KIF3B: variants seen among roughly 807,000 people sequenced by gnomAD.
The protein encoded by KIF3B is kinesin-like protein KIF3B.
Under a neutral mutation model 74.3 loss-of-function variants are expected in KIF3B, and 38 were observed. The observed-to-expected ratio is 0.51, with a 90% CI of 0.39 to 0.67. KIF3B has a LOEUF of 0.67. KIF3B is among the 30% of genes least tolerant of loss of function. KIF3B has a pLI of 0.00. For missense variants in KIF3B, 649 were observed against 932.0 expected, an observed-to-expected ratio of 0.70 and a Z score of 3.95; for synonymous variants, 326 against 342.5, an observed-to-expected ratio of 0.95 and a Z score of 0.53.
rs756318630 is a variant in KIF3B at position 32,277,706 on chromosome 20, CCCG to C, written c.-89_-87del. 3,608 of 246,740 alleles carry C rather than the reference CCCG, an allele frequency of 0.015. No homozygotes were observed. Among genetic ancestry groups the C allele is most frequent in the South Asian group, 0.024 (187 of 7,890 alleles). 15.3% of individuals were successfully genotyped at this position (246,740 alleles called of 1,614,324 possible). A position where few individuals can be genotyped will look rare whatever the true frequency, so the allele number is the denominator to read the frequency against. On this transcript the variant is annotated 5_prime_UTR_variant, in exon 1 of 9. Coordinates refer to ENST00000375712, the MANE Select transcript of KIF3B (RefSeq NM_004798.4). ...ATGGCTGAGCCAGGGGTTCGCCGCC[CCCG>C]CCGCCGCCGCCGCCGCCGCCGCCGC...
intron 1 of KIF3B, among the ~76,000 whole-genome samples, chr20:32,306,613 C>T (rs141235779): frequency 0.023 from 2,088 of 92,714 alleles, 64 homozygotes; most frequent in Admixed American, 0.14. Context: ...TTTTTTGAGA[C>T]GGAGTCTCGC....
In KIF3B at chr20:32,310,516, G is replaced by A; in HGVS notation, c.739G>A (p.Ala247Thr). The change falls in exon 2 of 9, where the codon GCT becomes ACT. Residue 247 changes from alanine to threonine, a missense_variant. Ala to Thr is a moderately conservative substitution (Grantham distance 58). Coordinates refer to ENST00000375712, the MANE Select transcript of KIF3B (RefSeq NM_004798.4). This position sits in a 1 kb window ranked among gnomAD's most constrained non-coding sequence, Gnocchi z 6.5. ...RVGKLNLVDL[A>T]GSERQAKTGA... ...AGGAAAATTGAACCTTGTAGATCTT[G>A]CTGGCAGCGAACGGCAAGCCAAGAC... 1 of 1,613,934 alleles carries A rather than the reference G, an allele frequency of 6.2e-7. No individual in the cohort carries two copies. The highest frequency in any genetic ancestry group is 1.3e-5 in the African/African-American group (1 of 75,046).
intron 1 of KIF3B, among the ~76,000 whole-genome samples, chr20:32,288,133 G>A (rs775644439): frequency 5.9e-5 from 9 of 151,530 alleles, no homozygotes; most frequent in African/African-American, 7.3e-5. Flanking sequence ...TGCCCATCTC[G>A]GCCTCCCAAA....
Position 32,327,439 on chromosome 20 carries a change from C to T in KIF3B, c.1863-117C>T, listed in dbSNP as rs562074292. On this transcript the variant is annotated intron_variant, in intron 6 of 8. Coordinates refer to ENST00000375712, the MANE Select transcript of KIF3B (RefSeq NM_004798.4). Reference sequence around the variant, plus strand: ...AGCAGAAAACAGAAGCATTTCCCGTCCCACTTACGTCAGCCTGCAGTCCAG... The same window carrying T: ...AGCAGAAAACAGAAGCATTTCCCGTTCCACTTACGTCAGCCTGCAGTCCAG... 5.3e-4 allele frequency: 383 copies of T among 719,038 alleles called. 1 individual carries two copies. In the Middle Eastern group the frequency reaches 0.01, roughly 20 times the overall value. The allele number at this position is 719,038 out of a possible 1,614,324, so 44.5% of individuals were successfully genotyped here.
At chr20:32,280,714 CAAAAAAAAAAAAAAA>C (rs34366324) in intron 1 of KIF3B, among the ~76,000 whole-genome samples, 2 of 51,352 alleles carry the variant, frequency 3.9e-5, no homozygotes, top group Non-Finnish European at 6.8e-5. Flanking sequence ...GACTCCGTCT[CAAAAAAAAAAAAAAA>C]AAAAAAAAAA....
chr20:32,301,456 C>A (rs1270403919), intron 1 of KIF3B, among the ~76,000 whole-genome samples: 1 of 151,898 alleles, frequency 6.6e-6, no homozygotes, highest in Non-Finnish European at 1.5e-5. Flanking sequence ...CAGCTCACTG[C>A]AAACCCTGCC....
At chr20:32,325,240 G>A (rs1389477696) in intron 5 of KIF3B, among the ~76,000 whole-genome samples, 2 of 152,120 alleles carry the variant, frequency 1.3e-5, no homozygotes, top group East Asian at 3.8e-4. Flanking sequence ...CCGGATTGGA[G>A]TGCGGTGGCA....
intron 1 of KIF3B, among the ~76,000 whole-genome samples, chr20:32,305,804 G>T (rs1232844667): frequency 6.6e-6 from 1 of 150,742 alleles, no homozygotes; most frequent in Non-Finnish European, 1.5e-5. Context: ...GGCTGGTCTC[G>T]AACTGCTGCT....
chr20:32,323,277 A>G (rs1172276764), intron 5 of KIF3B, among the ~76,000 whole-genome samples: 2 of 148,378 alleles, frequency 1.3e-5, no homozygotes, highest in East Asian at 1.9e-4. Flanking sequence ...CTAGTACCCA[A>G]TCCACATTCA....
intron 1 of KIF3B, among the ~76,000 whole-genome samples, chr20:32,306,888 C>T (rs897414894): frequency 6.6e-6 from 1 of 152,104 alleles, no homozygotes; most frequent in Non-Finnish European, 1.5e-5. Context: ...CCACCACGCT[C>T]AGCCTTTCCT....
At chr20:32,315,343 A>AT (rs994221946) in intron 2 of KIF3B, among the ~76,000 whole-genome samples, 8 of 151,952 alleles carry the variant, frequency 5.3e-5, no homozygotes, top group African/African-American at 1.9e-4. Flanking sequence ...CCTAATTCCT[A>AT]TTTTTTAACT....
At chr20:32,308,520 C>T (rs986513378) in intron 1 of KIF3B, among the ~76,000 whole-genome samples, 7 of 152,172 alleles carry the variant, frequency 4.6e-5, no homozygotes, top group Non-Finnish European at 7.3e-5. Flanking sequence ...AAGTGATTCT[C>T]GTGCCACGGC....
intron 5 of KIF3B, among the ~76,000 whole-genome samples, chr20:32,324,751 AGGTGC>A (rs1482812613): frequency 1.3e-5 from 2 of 152,172 alleles, no homozygotes; most frequent in Non-Finnish European, 2.9e-5. Flanking sequence ...AATGTAGGCA[AGGTGC>A]GGTGGCTCAT....
At chr20:32,319,582 G>GTTTTTTTTTTTTT (rs34028388) in intron 5 of KIF3B, among the ~76,000 whole-genome samples, 18 of 92,014 alleles carry the variant, frequency 2.0e-4, no homozygotes, top group Non-Finnish European at 2.3e-4. Flanking sequence ...TTTTGTTTTT[G>GTTTTTTTTTTTTT]TTTTTTTTTT....
chr20:32,316,474 C>G, intron 3 of KIF3B, 53 bp from the exon 4 acceptor site: 2 of 1,609,488 alleles, frequency 1.2e-6, no homozygotes, highest in Admixed American at 1.7e-5. Context: ...TTGGGGAACC[C>G]AGCATAGACA....
Position 32,333,718 on chromosome 20 carries a change from G to T in KIF3B, c.*2399G>T, listed in dbSNP as rs1414928528. 1 of 151,684 alleles carries T rather than the reference G, an allele frequency of 6.6e-6. No homozygotes were observed. The highest frequency in any genetic ancestry group is 1.5e-5 in the Non-Finnish European group (1 of 67,984). The allele number at this position is 151,684 out of a possible 1,614,324, so 9.4% of individuals were successfully genotyped here. ...TATACATTAATACTGGTATCTCGAG[G>T]TGACTCTTCTGACCAAGGGTGGTTA... On this transcript the variant is annotated 3_prime_UTR_variant, in exon 9 of 9. Transcript: ENST00000375712.
chr20:32,334,161 G>T lies in KIF3B; in HGVS notation c.*2842G>T, dbSNP rs1313352033. ...CCATCAGGAGAAGGAGTTTGAGACT[G>T]TGTATGCAACCCCCAATAGACCCCC... On this transcript the variant is annotated 3_prime_UTR_variant, in exon 9 of 9. Transcript: ENST00000375712. The T allele has an allele frequency of 6.6e-6, 1 of 152,656 alleles. No individual in the cohort carries two copies. The highest frequency in any genetic ancestry group is 1.5e-5 in the Non-Finnish European group (1 of 68,080). The allele number at this position is 152,656 out of a possible 1,614,324, so 9.5% of individuals were successfully genotyped here.
chr20:32,309,238 G>T (rs948620065), intron 1 of KIF3B, among the ~76,000 whole-genome samples: 5 of 133,308 alleles, frequency 3.8e-5, no homozygotes, highest in South Asian at 2.4e-4. Flanking sequence ...TCCCTATGTT[G>T]CCCAGGCTGA....
At chr20:32,308,383 C>G (rs1281682681) in intron 1 of KIF3B, among the ~76,000 whole-genome samples, 1 of 152,166 alleles carries the variant, frequency 6.6e-6, no homozygotes, top group African/African-American at 2.4e-5. Flanking sequence ...ATCACCACCC[C>G]TGGCTAATTT....
Sources: allele counts gnomAD v4.1 joint callset (sites outside exome capture counted in the v4.1 genomes callset), GRCh38; gene constraint gnomAD v4.1.1; non-coding constraint Gnocchi (gnomAD v3.1); transcripts MANE v1.5; gene names NCBI Gene and HGNC (gene_info 2026-07-23, HGNC 2026-07-21).